The following ACSL5 variants were observed in gnomAD, a reference collection of about 807,000 sequenced individuals.
The protein encoded by ACSL5 is long-chain-fatty-acid--CoA ligase 5.
A neutral mutation model predicts 84.9 loss-of-function variants in ACSL5; 50 were observed. The ratio of observed to expected loss-of-function variants is 0.59; its 90% CI spans 0.47 to 0.75. The LOEUF (loss-of-function observed/expected upper bound fraction) is 0.75. ACSL5 is among the 30% of genes least tolerant of loss of function. ACSL5 has a pLI of 0.00. For missense variants in ACSL5, 775 were observed against 830.4 expected, an observed-to-expected ratio of 0.93 and a Z score of 0.82; for synonymous variants, 280 against 300.7, an observed-to-expected ratio of 0.93 and a Z score of 0.71.
Position 112,426,855 on chromosome 10 carries a change from A to C in ACSL5, c.1907A>C (p.Glu636Ala). 6.2e-7 allele frequency: 1 copy of C among 1,611,760 alleles called. No individual in the cohort carries two copies. The highest frequency in any genetic ancestry group is 8.5e-7 in the Non-Finnish European group (1 of 1,177,904). ...IGKESGLKTF[E>A]QVKAIFLHPE... ...AAAGAAAGTGGCCTTAAAACTTTTG[A>C]ACAGGTGTGTGCTACCACTGATGTT... Residue 636 changes from glutamate to alanine, a missense_variant, in exon 20 of 21, where the codon GAA (glutamate) becomes GCA (alanine). Transcript: ENST00000354655.
chr10:112,412,236 A>G (rs764541691), intron 11 of ACSL5: 2 of 442,128 alleles, frequency 4.5e-6, no homozygotes, highest in Non-Finnish European at 8.0e-6. Flanking sequence ...GTCTAGTGAC[A>G]TCACAGCTAG....
intron 1 of ACSL5, among the ~76,000 whole-genome samples, chr10:112,393,940 C>G (rs140031008): frequency 6.6e-6 from 1 of 152,250 alleles, no homozygotes; most frequent in East Asian, 1.9e-4. Context: ...TGCAAAAAGC[C>G]CAGCCCTGTG....
rs970832478 is a variant in ACSL5 at position 112,421,153 on chromosome 10, C to CGTTT, written c.1315-423_1315-420dup. On this transcript the variant is annotated intron_variant, in intron 14 of 20. Transcript: ENST00000354655. ...ATGAGTTCAAGGTTTTTTGTTTGTT[C>CGTTT]GTTTGTTTGTTTGTTTGTTTTTTGA... 2.8e-4 allele frequency among the ~76,000 whole-genome samples: 43 copies of CGTTT among 151,198 alleles called. No individual in the cohort carries two copies. In the East Asian group the frequency reaches 6.0e-3, roughly 21 times the overall value.
Position 112,413,273 on chromosome 10 carries a change from C to T in ACSL5, c.1049C>T (p.Ala350Val), listed in dbSNP as rs374513448. The T allele has an allele frequency of 5.0e-4, 809 of 1,614,166 alleles. 8 individuals are homozygous for T. In the South Asian group the frequency reaches 8.4e-3, roughly 17 times the overall value. Reference sequence around the variant, plus strand: ...ACTTTGAAGCCCACATTGTTTCCCGCGGTGCCTCGACTCCTTAACAGGATC... The same window carrying T: ...ACTTTGAAGCCCACATTGTTTCCCGTGGTGCCTCGACTCCTTAACAGGATC... ...MKTLKPTLFP[A>V]VPRLLNRIYD... Residue 350 changes from alanine (A) to valine (V), a missense_variant, in exon 12 of 21, where the codon GCG becomes GTG. By Grantham distance (64) the Ala-to-Val change is moderately conservative. Transcript: ENST00000354655.
intron 7 of ACSL5, 198 bp from the exon 8 acceptor site, chr10:112,410,265 A>AT (rs1564739475): frequency 6.5e-7 from 1 of 1,538,172 alleles, no homozygotes; most frequent in South Asian, 1.2e-5. Context: ...TAGGTAGATG[A>AT]TTTTCTAGAG....
rs1401561697 is a variant in ACSL5, at chr10:112,416,998, C to A, written c.1194C>A (p.Asp398Glu). Residue 398 changes from aspartate to glutamate, a missense_variant, in exon 13 of 21, where the codon GAC (aspartate) becomes GAA (glutamate). Physicochemically the swap from Asp to Glu is conservative, Grantham distance 45 (BLOSUM62 2). Transcript: ENST00000354655. ...TCATCAGGCATGATAGTTTCTGGGA[C>A]AAGCTCATCTTTGCAAAGATCCAGG... ...KGIIRHDSFW[D>E]KLIFAKIQDS... 6.2e-7 allele frequency: 1 copy of A among 1,613,864 alleles called. No homozygotes were observed. Among genetic ancestry groups the A allele is most frequent in the Non-Finnish European group, 8.5e-7 (1 of 1,179,940 alleles).
Position 112,417,864 on chromosome 10 carries a change from G to T in ACSL5, c.1237G>T (p.Val413Phe). 1.2e-6 allele frequency: 2 copies of T among 1,614,078 alleles called. No individual in the cohort carries two copies. Among genetic ancestry groups the T allele is most frequent in the Non-Finnish European group, 1.7e-6 (2 of 1,179,970 alleles). The change falls in exon 14 of 21, where the codon GTT (valine) becomes TTT (phenylalanine). Residue 413 changes from valine to phenylalanine, a missense_variant. Val to Phe is a conservative substitution (Grantham distance 50). Coordinates refer to ENST00000354655, the MANE Select transcript of ACSL5 (RefSeq NM_203379.2). ...TGAACAGGACAGCCTGGGCGGAAGG[G>T]TTCGTGTAATTGTCACTGGAGCTGC... is the stretch of plus-strand genomic sequence containing the variant. ...AKIQDSLGGR[V>F]RVIVTGAAPM... is the part of the protein sequence containing the mutation.
At chr10:112,384,090 G>A (rs1451570217) in intron 1 of ACSL5, among the ~76,000 whole-genome samples, 1 of 151,980 alleles carries the variant, frequency 6.6e-6, no homozygotes. Context: ...GGAGGCTGAG[G>A]CATGAGAATC....
chr10:112,413,373 A>G (rs1844231567), intron 12 of ACSL5, 66 bp downstream of exon 12: 5 of 1,573,356 alleles, frequency 3.2e-6, no homozygotes, highest in East Asian at 2.2e-5. Context: ...CTGTACTACT[A>G]TGAGATTTAC....
chr10:112,392,474 G>A (rs1005612997), intron 1 of ACSL5, among the ~76,000 whole-genome samples: 1 of 151,936 alleles, frequency 6.6e-6, no homozygotes, highest in Non-Finnish European at 1.5e-5. Flanking sequence ...AGGTACGGTG[G>A]CTCACACCTG....
At chr10:112,410,105 T>C (rs1252823501) in intron 7 of ACSL5, 2 of 685,228 alleles carry the variant, frequency 2.9e-6, no homozygotes, top group Non-Finnish European at 3.6e-6. Flanking sequence ...GCTTAATTCA[T>C]ATATGTAGAT....
At position 112,385,543 on chromosome 10, in the gene ACSL5, G is replaced by C. The variant is rs145725310; in HGVS notation, c.-29-9375G>C. Reference sequence around the variant, plus strand: ...CTGGAATCTGATGCACGAGGAAAAGGCATGTCATTTAAATCTGCATTCTTA... The same window carrying C: ...CTGGAATCTGATGCACGAGGAAAAGCCATGTCATTTAAATCTGCATTCTTA... On this transcript the variant is annotated intron_variant, in intron 1 of 20. Coordinates refer to ENST00000354655, the MANE Select transcript of ACSL5 (RefSeq NM_203379.2). 9.2e-5 allele frequency among the ~76,000 whole-genome samples: 14 copies of C among 152,306 alleles called. No individual in the cohort carries two copies. The South Asian group carries it at 2.5e-3, about 27-fold the overall frequency.
chr10:112,417,756 C>T (rs185154650), intron 13 of ACSL5, 90 bp from the exon 14 acceptor site: 185 of 962,886 alleles, frequency 1.9e-4, no homozygotes, highest in Admixed American at 1.1e-3. Context: ...CTCATAACAA[C>T]GCTGCACAGG....
chr10:112,418,409 G>A (rs1270589501), intron 14 of ACSL5, among the ~76,000 whole-genome samples: 1 of 152,030 alleles, frequency 6.6e-6, no homozygotes, highest in African/African-American at 2.4e-5. Flanking sequence ...GTGAAACCCT[G>A]TCTCTACTAA....
intron 6 of ACSL5, 33 bp downstream of exon 6, chr10:112,408,554 C>T (rs775790094): frequency 7.3e-7 from 1 of 1,372,162 alleles, no homozygotes; most frequent in Non-Finnish European, 1.0e-6. Context: ...CAACTTGATT[C>T]TTTCTCAATG....
chr10:112,408,327 A>G (rs981616504), intron 5 of ACSL5, 95 bp from the exon 6 acceptor site: 4 of 836,906 alleles, frequency 4.8e-6, no homozygotes, highest in East Asian at 5.0e-5. Context: ...AAAACAAAAC[A>G]AGACAAAAAA....
At chr10:112,420,481 G>A (rs1345396182) in intron 14 of ACSL5, among the ~76,000 whole-genome samples, 1 of 152,114 alleles carries the variant, frequency 6.6e-6, no homozygotes, top group Non-Finnish European at 1.5e-5. Context: ...GATACCAGAT[G>A]GCTCACAAAG....
Position 112,417,784 on chromosome 10 carries a change from C to T in ACSL5, c.1219-62C>T, listed in dbSNP as rs901938656. 1.4e-5 allele frequency: 19 copies of T among 1,335,132 alleles called. No homozygotes were observed. The African/African-American group carries it at 1.6e-4, about 11-fold the overall frequency. The allele number at this position is 1,335,132 out of a possible 1,614,324, so 82.7% of individuals were successfully genotyped here. A position where few individuals can be genotyped will look rare whatever the true frequency, so the allele number is the denominator to read the frequency against. On this transcript the variant is annotated intron_variant, in intron 13 of 20. Transcript: ENST00000354655. ...TGCACAGGCTATTATACCCACTCTA[C>T]AGTGGAGGAAATTGAAGCCAAGAGA...
At chr10:112,399,152 A>G (rs1843817418) in intron 3 of ACSL5, 143 bp downstream of exon 3, 7 of 676,590 alleles carry the variant, frequency 1.0e-5, no homozygotes, top group Non-Finnish European at 1.8e-5. Context: ...TAGAGGCAAC[A>G]TTAGAACATA....
Sources: allele counts gnomAD v4.1 joint callset (sites outside exome capture counted in the v4.1 genomes callset), GRCh38; gene constraint gnomAD v4.1.1; transcripts MANE v1.5; gene names NCBI Gene and HGNC (gene_info 2026-07-23, HGNC 2026-07-21).